The following ZNF831 variants were observed in gnomAD, a reference collection of about 807,000 sequenced individuals.
ZNF831 encodes zinc finger protein 831, also known as chromosome 20 open reading frame 174.
In ZNF831, 59 loss-of-function variants were observed where a neutral mutation model predicts 95.8. The observed-to-expected ratio is 0.62, with a 90% confidence interval of 0.50 to 0.77. The LOEUF (loss-of-function observed/expected upper bound fraction) is 0.77. Among genes scored for constraint, ZNF831 ranks in the 30% least tolerant of loss-of-function variants. The pLI is 0.00. For synonymous variants in ZNF831, 961 were observed against 925.5 expected, an observed-to-expected ratio of 1.04 and a Z score of -0.70; for missense variants, 2,205 against 2,164.0, an observed-to-expected ratio of 1.02 and a Z score of -0.38.
chr20:59,190,890 T>G (rs1983443199), intron 1 of ZNF831, 94 bp from the exon 2 acceptor site: 1 of 1,096,750 alleles, frequency 9.1e-7, no homozygotes, highest in Non-Finnish European at 1.2e-6. Context: ...CAGGCTTCCG[T>G]TGGGTGATGA....
chr20:59,208,044 C>T lies in ZNF831; in HGVS notation c.4027+988C>T, dbSNP rs148772795. Among the ~76,000 whole-genome samples, 362 of 152,334 alleles carry T rather than the reference C, an allele frequency of 2.4e-3. 2 individuals are homozygous for T. The highest frequency in any genetic ancestry group is 8.4e-3 in the African/African-American group (348 of 41,564). On this transcript the variant is annotated intron_variant, in intron 4 of 5. Transcript: ENST00000371030. This position sits in a 1 kb window ranked among gnomAD's most constrained non-coding sequence, Gnocchi z 4.2. ...AAGGACATGGAGTAGTCTTGTTTCC[C>T]AGAGAGAATTTAAATCCAGGCAAGA...
In ZNF831 at chr20:59,257,869, A is replaced by C. The variant is rs998746756; in HGVS notation, c.*3126A>C. On this transcript the variant is annotated 3_prime_UTR_variant, in exon 6 of 6. Coordinates refer to ENST00000371030, the MANE Select transcript of ZNF831 (RefSeq NM_178457.3). ...CCAATATCAAAAGTGACATTTCCCC[A>C]TGATGTTCAAGACTCACCAGGTTTC... The C allele has an allele frequency of 5.3e-5, 8 of 152,168 alleles. No homozygotes were observed. Among genetic ancestry groups the C allele is most frequent in the Non-Finnish European group, 1.0e-4 (7 of 68,038 alleles). The allele number at this position is 152,168 out of a possible 1,614,324, so 9.4% of individuals were successfully genotyped here.
chr20:59,191,175 T>G lies in ZNF831; in HGVS notation c.156T>G (p.Thr52=). 6.2e-7 allele frequency: 1 copy of G among 1,600,530 alleles called. No homozygotes were observed. The highest frequency in any genetic ancestry group is 8.5e-7 in the Non-Finnish European group (1 of 1,176,524). Residue 52 remains threonine, a synonymous_variant, in exon 2 of 6, where the codon ACT becomes ACG. Coordinates refer to ENST00000371030, the MANE Select transcript of ZNF831 (RefSeq NM_178457.3). ...LPPEQGLAPP[T]VFLKALPIPL... is the part of the protein sequence containing the mutation. ...CAGAGCAGGGCCTGGCCCCCCCCAC[T>G]GTGTTCCTGAAGGCCCTGCCCATCC...
rs977388362 is a variant in ZNF831, at chr20:59,163,981, G to T, written c.-263G>T. Among the ~76,000 whole-genome samples the T allele has an allele frequency of 6.6e-6, 1 of 152,074 alleles. No homozygotes were observed. Among genetic ancestry groups the T allele is most frequent in the Non-Finnish European group, 1.5e-5 (1 of 68,020 alleles). On this transcript the variant is annotated 5_prime_UTR_variant, in exon 1 of 6. Transcript: ENST00000371030. ...CAGGGAGCATCTCTCCGTTCTCTGA[G>T]ATGCTGCCTGCAGAGTAGGAACTGG...
At chr20:59,189,776 G>A (rs1204212556) in intron 1 of ZNF831, among the ~76,000 whole-genome samples, 2 of 152,234 alleles carry the variant, frequency 1.3e-5, no homozygotes, top group Admixed American at 1.3e-4. Flanking sequence ...CTCCCAAAGT[G>A]CTGGGATTAC....
chr20:59,139,257 T>G (rs1465022865), intron 1 of ZNF831, among the ~76,000 whole-genome samples: 2 of 151,982 alleles, frequency 1.3e-5, no homozygotes, highest in Non-Finnish European at 2.9e-5. Context: ...ATGGTGTGGA[T>G]GTACTATGGT....
At chr20:59,183,568 A>G (rs1982785920) in intron 1 of ZNF831, among the ~76,000 whole-genome samples, 1 of 152,184 alleles carries the variant, frequency 6.6e-6, no homozygotes, top group Non-Finnish European at 1.5e-5. Context: ...GCCCGCTTTT[A>G]TGCCCAATTA....
chr20:59,253,864 C>T, intron 5 of ZNF831, 34 bp from the exon 6 acceptor site: 1 of 1,118,292 alleles, frequency 8.9e-7, no homozygotes, highest in Non-Finnish European at 1.2e-6. Context: ...TAACCTCCCC[C>T]CCCACTTTTT....
intron 1 of ZNF831, among the ~76,000 whole-genome samples, chr20:59,140,125 G>T (rs1007390630): frequency 7.9e-5 from 12 of 152,150 alleles, no homozygotes; most frequent in African/African-American, 2.9e-4. Flanking sequence ...AAAAAATAAT[G>T]GTGCTTCTTG....
At chr20:59,165,812 C>T (rs1217986083) in intron 1 of ZNF831, among the ~76,000 whole-genome samples, 1 of 151,996 alleles carries the variant, frequency 6.6e-6, no homozygotes, top group African/African-American at 2.4e-5. Flanking sequence ...AGTGCAGTGG[C>T]ATGATCAGCT....
intron 3 of ZNF831, among the ~76,000 whole-genome samples, chr20:59,203,508 C>G (rs2146628494): frequency 6.6e-6 from 1 of 152,184 alleles, no homozygotes; most frequent in South Asian, 2.1e-4. Flanking sequence ...AAAAGCTTAT[C>G]CATATAAAAA....
chr20:59,226,400 C>T (rs1478817939), intron 4 of ZNF831, among the ~76,000 whole-genome samples: 1 of 152,128 alleles, frequency 6.6e-6, no homozygotes, highest in African/African-American at 2.4e-5. Flanking sequence ...CAGGCCTCCA[C>T]CCATTCCCAT....
chr20:59,192,834 G>A lies in ZNF831; in HGVS notation c.1815G>A (p.Arg605=). 4 of 1,607,914 alleles carry A rather than the reference G, an allele frequency of 2.5e-6. No homozygotes were observed. The highest frequency in any genetic ancestry group is 2.5e-6 in the Non-Finnish European group (3 of 1,177,362). Residue 605 remains arginine, a synonymous_variant, in exon 2 of 6, where the codon AGG becomes AGA. Coordinates refer to ENST00000371030, the MANE Select transcript of ZNF831 (RefSeq NM_178457.3). The surrounding 1 kb of genome is among the most constrained non-coding windows in gnomAD (Gnocchi z 5.2). ...CCGGCAAGGGCAGAGCGGGCGGCAG[G>A]AAGTGCGGCCAGAGAAGGCTGAAGA... ...AMAGKGRAGG[R]KCGQRRLKMF... is the part of the protein sequence containing the mutation.
At chr20:59,238,277 C>G (rs1987115944) in intron 4 of ZNF831, among the ~76,000 whole-genome samples, 1 of 152,122 alleles carries the variant, frequency 6.6e-6, no homozygotes, top group African/African-American at 2.4e-5. Context: ...GATTTCTGGG[C>G]CTTCTGTTTT....
chr20:59,196,173 T>C lies in ZNF831; in HGVS notation c.3875+168T>C, dbSNP rs374131425. ...TTCCCACCCCTTGCAACTCACCGCC[T>C]GTGTATTTTTTGATGGCACCTTTCT... On this transcript the variant is annotated intron_variant, in intron 3 of 5. Coordinates refer to ENST00000371030, the MANE Select transcript of ZNF831 (RefSeq NM_178457.3). Among the ~76,000 whole-genome samples the C allele has an allele frequency of 2.6e-5, 4 of 152,342 alleles. No homozygotes were observed. The East Asian group carries it at 5.8e-4, about 22-fold the overall frequency.
rs543371713 is a variant in ZNF831, at chr20:59,195,822, C to G, written c.3739-47C>G. On this transcript the variant is annotated intron_variant, in intron 2 of 5. Coordinates refer to ENST00000371030, the MANE Select transcript of ZNF831 (RefSeq NM_178457.3). ...GAGAACCCTTTGGAGTTTTCTTCAT[C>G]ATGAGGACTTTGAGTAATGTGATGC... is the stretch of plus-strand genomic sequence containing the variant. 55 of 1,583,172 alleles carry G rather than the reference C, an allele frequency of 3.5e-5. 3 individuals carry two copies. The Middle Eastern group carries it at 6.9e-4, about 20-fold the overall frequency.
intron 4 of ZNF831, among the ~76,000 whole-genome samples, chr20:59,240,089 AT>A (rs1324847029): frequency 6.6e-6 from 1 of 151,450 alleles, no homozygotes; most frequent in Admixed American, 6.6e-5. Flanking sequence ...AGGTTTGTGT[AT>A]TTTTTATTCT....
intron 3 of ZNF831, among the ~76,000 whole-genome samples, chr20:59,199,321 T>C (rs900812870): frequency 3.3e-5 from 5 of 152,142 alleles, no homozygotes; most frequent in African/African-American, 1.2e-4. Context: ...AAATGTTATA[T>C]AACAATATAT....
At chr20:59,202,890 C>G (rs192562975) in intron 3 of ZNF831, among the ~76,000 whole-genome samples, 2 of 152,132 alleles carry the variant, frequency 1.3e-5, no homozygotes, top group Non-Finnish European at 2.9e-5. Flanking sequence ...TCAGAACATA[C>G]GTAAATTTAA....
Sources: gnomAD v4.1 joint callset for allele counts (sites outside exome capture counted in the v4.1 genomes callset) on GRCh38, gnomAD v4.1.1 for gene constraint, Gnocchi (gnomAD v3.1) non-coding constraint, MANE v1.5 for transcripts, NCBI Gene and HGNC (gene_info 2026-07-23, HGNC 2026-07-21) for gene names.